PARD3: variants seen among roughly 807,000 people sequenced by gnomAD.
PARD3 encodes the protein partitioning defective 3 homolog.
In PARD3, 75 loss-of-function variants were observed where a neutral mutation model predicts 155.4. That is an observed-to-expected ratio of 0.48 (90% CI 0.40 to 0.58). PARD3 has a LOEUF of 0.58. Among genes scored for constraint, PARD3 ranks in the 20% least tolerant of loss-of-function variants. PARD3 has a pLI of 0.00. For missense variants in PARD3, 1,642 were observed against 1,721.7 expected, an observed-to-expected ratio of 0.95 and a Z score of 0.82; for synonymous variants, 576 against 610.5, an observed-to-expected ratio of 0.94 and a Z score of 0.83.
At chr10:34,243,565 C>T (rs899108264) in intron 22 of PARD3, among the ~76,000 whole-genome samples, 2 of 152,142 alleles carry the variant, frequency 1.3e-5, no homozygotes, top group Non-Finnish European at 2.9e-5. Context: ...TGGCCAGGCA[C>T]GGTTGCTCAT....
intron 1 of PARD3, among the ~76,000 whole-genome samples, chr10:34,758,419 C>T (rs1168677469): frequency 6.6e-6 from 1 of 152,150 alleles, no homozygotes; most frequent in African/African-American, 2.4e-5. Context: ...AGCATTATTC[C>T]AAAGTCTTTC....
intron 22 of PARD3, among the ~76,000 whole-genome samples, chr10:34,235,737 A>C (rs1953191138): frequency 6.6e-6 from 1 of 152,186 alleles, no homozygotes; most frequent in South Asian, 2.1e-4. Flanking sequence ...TCAGGTATGC[A>C]TATGTATGAA....
intron 2 of PARD3, among the ~76,000 whole-genome samples, chr10:34,570,767 T>C (rs1217573052): frequency 6.6e-6 from 1 of 152,098 alleles, no homozygotes; most frequent in Non-Finnish European, 1.5e-5. Flanking sequence ...CCCCAGCACA[T>C]GAAGCAGCTA....
At chr10:34,580,162 ACCT>A (rs2087305607) in intron 2 of PARD3, among the ~76,000 whole-genome samples, 1 of 151,576 alleles carries the variant, frequency 6.6e-6, no homozygotes, top group South Asian at 2.1e-4. Context: ...TGATCCACCA[ACCT>A]CAGCCTCCCA....
chr10:34,345,908 A>G (rs1018070763), intron 15 of PARD3: 1 of 985,016 alleles, frequency 1.0e-6, no homozygotes, highest in African/African-American at 1.7e-5. Context: ...AAAACACAAG[A>G]TGAATCAAAA....
rs530288936 is a variant in PARD3 at position 34,188,294 on chromosome 10, C to G, written c.3420-56711G>C. On this transcript the variant is annotated intron_variant, in intron 22 of 24. Transcript: ENST00000374788. ...TGAACACAGTCCTAAGTAAGCACTG[C>G]TGGGTTGGTTAGAATCACTTGCAAT... Among the ~76,000 whole-genome samples the G allele has an allele frequency of 6.1e-4, 93 of 152,294 alleles. 1 individual carries two copies. In the South Asian group the frequency reaches 0.019, roughly 31 times the overall value.
chr10:34,518,023 C>T (rs1401382703), intron 2 of PARD3, among the ~76,000 whole-genome samples: 3 of 152,082 alleles, frequency 2.0e-5, no homozygotes, highest in Admixed American at 6.5e-5. Context: ...GGATTACAGG[C>T]GTATGCCACC....
intron 12 of PARD3, among the ~76,000 whole-genome samples, chr10:34,371,911 A>G (rs763610116): frequency 1.8e-4 from 27 of 152,194 alleles, no homozygotes; most frequent in Non-Finnish European, 3.2e-4. Context: ...GCTGGAACTA[A>G]GCTTACTCTT....
At chr10:34,406,580 C>T (rs7894351) in intron 5 of PARD3, among the ~76,000 whole-genome samples, 88,344 of 151,944 alleles carry the variant, frequency 0.58, 27,916 homozygotes, top group African/African-American at 0.85. Flanking sequence ...TTTTTTGACA[C>T]GGGGTCTTGC....
chr10:34,680,673 A>G (rs998384202), intron 2 of PARD3, among the ~76,000 whole-genome samples: 5 of 152,100 alleles, frequency 3.3e-5, no homozygotes, highest in African/African-American at 9.7e-5. Context: ...AACACATACC[A>G]ATCATTAAAG....
chr10:34,179,409 A>G (rs1950176186), intron 22 of PARD3, among the ~76,000 whole-genome samples: 2 of 152,236 alleles, frequency 1.3e-5, no homozygotes, highest in Admixed American at 1.3e-4. Flanking sequence ...TTCTATCATC[A>G]TGGTAATATG....
intron 2 of PARD3, among the ~76,000 whole-genome samples, chr10:34,539,371 T>C (rs578093772): frequency 3.3e-5 from 5 of 152,194 alleles, no homozygotes; most frequent in Middle Eastern, 3.4e-3. Flanking sequence ...AGCAGAGTAA[T>C]AAATAAGTAA....
At chr10:34,557,785 T>C (rs1244860568) in intron 2 of PARD3, among the ~76,000 whole-genome samples, 1 of 151,762 alleles carries the variant, frequency 6.6e-6, no homozygotes, top group Non-Finnish European at 1.5e-5. Context: ...AAACATAAAA[T>C]TAGCTAGGTG....
At chr10:34,517,854 T>C (rs574641054) in intron 2 of PARD3, among the ~76,000 whole-genome samples, 1 of 152,168 alleles carries the variant, frequency 6.6e-6, no homozygotes, top group African/African-American at 2.4e-5. Flanking sequence ...AGGACATCAG[T>C]ATGAGCTCAG....
At chr10:34,705,619 C>G (rs2094352338) in intron 1 of PARD3, among the ~76,000 whole-genome samples, 1 of 152,156 alleles carries the variant, frequency 6.6e-6, no homozygotes, top group Non-Finnish European at 1.5e-5. Flanking sequence ...AGAAGACAGA[C>G]AGTCAGATGT....
At position 34,800,411 on chromosome 10, in the gene PARD3, A is replaced by C. The variant is rs146898700; in HGVS notation, c.120+14465T>G. ...AATCACCTGAGGTCAGGAGTTCAAG[A>C]CCAGCCTGATAAACCAGGTGAAACC... On this transcript the variant is annotated intron_variant, in intron 1 of 24. Coordinates refer to ENST00000374788, the MANE Select transcript of PARD3 (RefSeq NM_001184785.2). Among the ~76,000 whole-genome samples the C allele has an allele frequency of 2.1e-3, 323 of 152,154 alleles. 1 individual carries two copies. Among genetic ancestry groups the C allele is most frequent in the African/African-American group, 7.2e-3 (297 of 41,510 alleles).
At chr10:34,183,152 A>G (rs1003254168) in intron 22 of PARD3, among the ~76,000 whole-genome samples, 3 of 152,262 alleles carry the variant, frequency 2.0e-5, no homozygotes, top group Non-Finnish European at 4.4e-5. Flanking sequence ...GACTGAGTGA[A>G]TAAGTCAACG....
chr10:34,117,323 G>A (rs573711015), intron 24 of PARD3, among the ~76,000 whole-genome samples: 2 of 152,344 alleles, frequency 1.3e-5, no homozygotes, highest in South Asian at 4.1e-4. Flanking sequence ...CACAAGCTAT[G>A]AAGTGCCCTG....
chr10:34,636,742 A>G (rs1392268124), intron 2 of PARD3, among the ~76,000 whole-genome samples: 1 of 152,182 alleles, frequency 6.6e-6, no homozygotes, highest in Non-Finnish European at 1.5e-5. Flanking sequence ...GCCTGGAGAA[A>G]AGGTGGGGCA....
Sources: gnomAD v4.1 joint callset for allele counts (sites outside exome capture counted in the v4.1 genomes callset) on GRCh38, gnomAD v4.1.1 for gene constraint, MANE v1.5 for transcripts, NCBI Gene and HGNC (gene_info 2026-07-23, HGNC 2026-07-21) for gene names.